The following LARP6 variants were observed in gnomAD, a reference collection of about 807,000 sequenced individuals.
The protein encoded by LARP6 is La ribonucleoprotein 6, translational regulator, also known as la-related protein 6.
A neutral mutation model predicts 32.8 loss-of-function variants in LARP6; 18 were observed. The ratio of observed to expected loss-of-function variants is 0.55; its 90% CI spans 0.38 to 0.81. The LOEUF is 0.81. Among genes scored for constraint, LARP6 ranks in the 40% least tolerant of loss-of-function variants. LARP6 has a pLI of 0.00. For missense variants in LARP6, 598 were observed against 663.1 expected (o/e 0.90, Z 1.08); for synonymous variants, 289 against 267.2 (o/e 1.08, Z -0.80).
chr15:70,851,643 G>A (rs1422912612), intron 1 of LARP6: 2 of 1,613,548 alleles, frequency 1.2e-6, no homozygotes, highest in South Asian at 2.2e-5. Context: ...CATGTCCTAT[G>A]TGCTGGGTGC....
At chr15:70,852,342 G>A (rs1434254777) in intron 1 of LARP6, 5 of 453,426 alleles carry the variant, frequency 1.1e-5, no homozygotes, top group Non-Finnish European at 2.2e-5. Flanking sequence ...TCTGGAGGAA[G>A]AGCAAGAGGG....
intron 1 of LARP6, among the ~76,000 whole-genome samples, chr15:70,848,505 C>A (rs1299075516): frequency 6.6e-6 from 1 of 151,900 alleles, no homozygotes; most frequent in African/African-American, 2.4e-5. Flanking sequence ...GCCAAGGTGG[C>A]CAGATTACTT....
At chr15:70,836,155 A>AT in intron 2 of LARP6, 140 bp downstream of exon 2, 2 of 675,340 alleles carry the variant, frequency 3.0e-6, no homozygotes, top group Non-Finnish European at 5.1e-6. Flanking sequence ...TCTCCTAGCC[A>AT]TTTTTCTCTT....
In LARP6 at chr15:70,832,721, G is replaced by T; in HGVS notation, c.807C>A (p.Ala269=). 1 of 1,600,054 alleles carries T rather than the reference G, an allele frequency of 6.2e-7. No homozygotes were observed. The highest frequency in any genetic ancestry group is 8.5e-7 in the Non-Finnish European group (1 of 1,174,560). The change falls in exon 3 of 3, where the codon GCC becomes GCA. Residue 269 remains alanine (A), a synonymous_variant. Coordinates refer to ENST00000299213, the MANE Select transcript of LARP6 (RefSeq NM_018357.4). ...TGATCATGAACTCATGGGCTTTGAT[G>T]GCTGCTTCCACCTCCTCGAACTCCA... ...AIVEFEEVEA[A]IKAHEFMITE... is the part of the protein sequence containing the mutation.
intron 1 of LARP6, among the ~76,000 whole-genome samples, chr15:70,837,686 C>T (rs1055298226): frequency 3.3e-5 from 5 of 152,150 alleles, no homozygotes; most frequent in Non-Finnish European, 7.3e-5. Flanking sequence ...TGCAGTGGTG[C>T]AATCTCCATG....
At chr15:70,851,842 T>C in intron 1 of LARP6, 1 of 1,515,146 alleles carries the variant, frequency 6.6e-7, no homozygotes, top group Non-Finnish European at 8.9e-7. Flanking sequence ...GGATTGGGGG[T>C]GGTGGAGAAG....
At chr15:70,838,912 C>CACAAAAAA (rs10634375) in intron 1 of LARP6, among the ~76,000 whole-genome samples, 88 of 102,802 alleles carry the variant, frequency 8.6e-4, no homozygotes, top group African/African-American at 3.2e-3. Context: ...CTCAGCCTCA[C>CACAAAAAA]AAAAAAAAAA....
chr15:70,847,839 G>C (rs980789757), intron 1 of LARP6, among the ~76,000 whole-genome samples: 1 of 151,976 alleles, frequency 6.6e-6, no homozygotes. Context: ...TTCAATCCAG[G>C]AATGATTTTT....
chr15:70,832,257 C>A lies in LARP6; in HGVS notation c.1271G>T (p.Ser424Ile). The change falls in exon 3 of 3, where the codon AGC (serine) becomes ATC (isoleucine). Residue 424 changes from serine (S) to isoleucine (I), a missense_variant. Ser to Ile is a moderately radical substitution (Grantham distance 142, BLOSUM62 -2). Coordinates refer to ENST00000299213, the MANE Select transcript of LARP6 (RefSeq NM_018357.4). ...RKCMDYSSDS[S>I]VTPSGSPWVR... is the part of the protein sequence containing the mutation. The stretch of plus-strand genomic sequence containing the variant: ...CCAGGGGCTGCCAGAGGGAGTGACG[C>A]TGCTGTCAGAGGAATAATCCATACA... 6.2e-7 allele frequency: 1 copy of A among 1,614,232 alleles called. No individual in the cohort carries two copies. The highest frequency in any genetic ancestry group is 1.1e-5 in the South Asian group (1 of 91,086).
At chr15:70,844,641 T>C (rs1332111479) in intron 1 of LARP6, among the ~76,000 whole-genome samples, 1 of 152,198 alleles carries the variant, frequency 6.6e-6, no homozygotes, top group Non-Finnish European at 1.5e-5. Context: ...TGGTCCTCTA[T>C]GTTTATTTTT....
At position 70,840,527 on chromosome 15, in the gene LARP6, C is replaced by T. The variant is rs145497167; in HGVS notation, c.201-4022G>A. 9.7e-3 allele frequency among the ~76,000 whole-genome samples: 1,483 copies of T among 152,130 alleles called. 21 individuals carry two copies. Among genetic ancestry groups the T allele is most frequent in the African/African-American group, 0.035 (1,433 of 41,488 alleles). ...TGCACTCCAGCCTGGGTGACAAGAGCGAAACTCCGTCTCAAACAAAAACAA... is the reference window on the plus strand; with the variant it reads ...TGCACTCCAGCCTGGGTGACAAGAGTGAAACTCCGTCTCAAACAAAAACAA... On this transcript the variant is annotated intron_variant, in intron 1 of 2. Coordinates refer to ENST00000299213, the MANE Select transcript of LARP6 (RefSeq NM_018357.4).
rs1555422818 is a variant in LARP6, at chr15:70,838,912, C to CA, written c.201-2408dup. ...AAATTTTCACTGGCTCTCAGCCTCACAAAAAAAAAAAAAAAGAAAAGAAGC... is the reference window on the plus strand; with the variant it reads ...AAATTTTCACTGGCTCTCAGCCTCACAAAAAAAAAAAAAAAAGAAAAGAAGC... On this transcript the variant is annotated intron_variant, in intron 1 of 2. Transcript: ENST00000299213. 1.6e-3 allele frequency among the ~76,000 whole-genome samples: 163 copies of CA among 102,878 alleles called. 1 individual carries two copies. Among genetic ancestry groups the CA allele is most frequent in the South Asian group, 7.7e-3 (25 of 3,248 alleles). 67.5% of individuals were successfully genotyped at this position (102,878 alleles called of 152,430 possible).
chr15:70,836,503 C>T lies in LARP6; in HGVS notation c.203G>A (p.Gly68Asp). The T allele has an allele frequency of 6.2e-7, 1 of 1,613,144 alleles. No homozygotes were observed. Among genetic ancestry groups the T allele is most frequent in the South Asian group, 1.1e-5 (1 of 91,060 alleles). ...SEEEPSRGHS[G>D]TTASGGENER... ...GTTCTCACCTCCACTTGCAGTGGTG[C>T]CACTGAGACCAGAAGGAGACACCGG... is the stretch of plus-strand genomic sequence containing the variant. The change falls in exon 2 of 3, where the codon GGC becomes GAC. Residue 68 changes from glycine to aspartate, a missense_variant and splice_region_variant. By Grantham distance (94) the Gly-to-Asp change is moderately conservative. Transcript: ENST00000299213.
intron 1 of LARP6, among the ~76,000 whole-genome samples, chr15:70,838,912 C>CAA (rs1555422818): frequency 2.9e-5 from 3 of 102,884 alleles, no homozygotes; most frequent in African/African-American, 4.6e-5. Context: ...CTCAGCCTCA[C>CAA]AAAAAAAAAA....
rs537279170 is a variant in LARP6, at chr15:70,845,151, C to T, written c.201-8646G>A. Among the ~76,000 whole-genome samples the T allele has an allele frequency of 3.3e-5, 5 of 152,240 alleles. No individual in the cohort carries two copies. The South Asian group carries it at 1.0e-3, about 32-fold the overall frequency. On this transcript the variant is annotated intron_variant, in intron 1 of 2. Coordinates refer to ENST00000299213, the MANE Select transcript of LARP6 (RefSeq NM_018357.4). ...TGTGTTACAACCAATGAACTAATTA[C>T]AATTAGTTCATTAGTTCATTATATA...
intron 1 of LARP6, chr15:70,849,744 A>G (rs1426897014): frequency 1.3e-5 from 2 of 152,212 alleles, no homozygotes; most frequent in Non-Finnish European, 2.9e-5. Flanking sequence ...AATAAATACA[A>G]ATCTATGAAT....
At chr15:70,839,367 G>C (rs1384628887) in intron 1 of LARP6, among the ~76,000 whole-genome samples, 1 of 151,814 alleles carries the variant, frequency 6.6e-6, no homozygotes, top group South Asian at 2.1e-4. Context: ...TTGAACTTGG[G>C]AGGTGGAGGT....
intron 1 of LARP6, among the ~76,000 whole-genome samples, chr15:70,838,261 T>C (rs1489787320): frequency 6.6e-6 from 1 of 152,204 alleles, no homozygotes; most frequent in East Asian, 1.9e-4. Context: ...CTCACTTCAG[T>C]TCTATTACCT....
chr15:70,847,259 G>C (rs1325413020), intron 1 of LARP6, among the ~76,000 whole-genome samples: 1 of 152,072 alleles, frequency 6.6e-6, no homozygotes, highest in Non-Finnish European at 1.5e-5. Context: ...ACAAAACATT[G>C]TAAACTGGGA....
Sources: gnomAD v4.1 joint callset for allele counts (sites outside exome capture counted in the v4.1 genomes callset) on GRCh38, gnomAD v4.1.1 for gene constraint, MANE v1.5 for transcripts, NCBI Gene and HGNC (gene_info 2026-07-23, HGNC 2026-07-21) for gene names.